The following CCDC34 variants were observed in gnomAD, a reference collection of about 807,000 sequenced individuals.
CCDC34 encodes coiled-coil domain containing 34.
A neutral mutation model predicts 44.1 loss-of-function variants in CCDC34; 40 were observed. That is an observed-to-expected ratio of 0.91 (90% CI 0.70 to 1.18). The LOEUF (loss-of-function observed/expected upper bound fraction) is 1.18. Ranked by LOEUF, CCDC34 falls within the 50% of genes most tolerant of loss-of-function variation. The pLI, the probability that CCDC34 is intolerant of heterozygous loss-of-function variation, is 0.00. For missense variants in CCDC34, 466 were observed against 452.3 expected (o/e 1.03, Z -0.28); for synonymous variants, 159 against 158.2 (o/e 1.01, Z -0.04).
chr11:27,349,726 A>G, intron 3 of CCDC34: 7 of 976,712 alleles, frequency 7.2e-6, no homozygotes, highest in Non-Finnish European at 8.5e-6. Context: ...CACTCAATTA[A>G]ACTATTTTTG....
chr11:27,345,418 A>C (rs1447330912), intron 3 of CCDC34, among the ~76,000 whole-genome samples: 1 of 152,094 alleles, frequency 6.6e-6, no homozygotes, highest in African/African-American at 2.4e-5. Context: ...TATATATCCT[A>C]ATGCTATCCC....
At chr11:27,359,617 T>C (rs1457653977) in intron 1 of CCDC34, among the ~76,000 whole-genome samples, 1 of 151,910 alleles carries the variant, frequency 6.6e-6, no homozygotes, top group African/African-American at 2.4e-5. Flanking sequence ...GCCTCCCGAG[T>C]AGCTGAGATT....
intron 3 of CCDC34, chr11:27,349,835 G>A (rs1354469331): frequency 1.6e-5 from 16 of 972,658 alleles, no homozygotes; most frequent in Non-Finnish European, 1.8e-5. Context: ...AGTATAAGAA[G>A]TAAACAACAA....
chr11:27,360,919 G>T (rs1039090961), intron 1 of CCDC34, among the ~76,000 whole-genome samples: 2 of 152,094 alleles, frequency 1.3e-5, no homozygotes, highest in Non-Finnish European at 2.9e-5. Context: ...TTGTATCAAA[G>T]AATGTTAGGA....
At chr11:27,348,136 C>T (rs1408007210) in intron 3 of CCDC34, among the ~76,000 whole-genome samples, 2 of 152,022 alleles carry the variant, frequency 1.3e-5, no homozygotes, top group East Asian at 3.9e-4. Context: ...ACCTTTGTTT[C>T]ATACAACTAA....
chr11:27,348,205 C>T (rs1862459000), intron 3 of CCDC34, among the ~76,000 whole-genome samples: 1 of 151,960 alleles, frequency 6.6e-6, no homozygotes, highest in African/African-American at 2.4e-5. Context: ...TTGCTTTCTC[C>T]AATAGTGCCT....
intron 2 of CCDC34, among the ~76,000 whole-genome samples, chr11:27,356,024 T>TTTTTTA (rs1862570685): frequency 7.0e-6 from 1 of 143,250 alleles, no homozygotes; most frequent in East Asian, 2.1e-4. Flanking sequence ...TTTTTTTTTT[T>TTTTTTA]TTTTTTTTTT....
In CCDC34 at chr11:27,361,936, C is replaced by G. The variant is rs538451028; in HGVS notation, c.359+900G>C. Among the ~76,000 whole-genome samples, 18 of 152,272 alleles carry G rather than the reference C, an allele frequency of 1.2e-4. No individual in the cohort carries two copies. In the South Asian group the frequency reaches 3.5e-3, roughly 30 times the overall value. ...TACTGGGCCTGTCTCAGAAATATTC[C>G]TTCAGGGATTGGCCCTTTGCTCCTA... is the stretch of plus-strand genomic sequence containing the variant. On this transcript the variant is annotated intron_variant, in intron 1 of 5. Transcript: ENST00000328697.
chr11:27,350,108 G>C (rs1219633153), intron 3 of CCDC34: 3 of 1,386,834 alleles, frequency 2.2e-6, no homozygotes, highest in African/African-American at 2.9e-5. Flanking sequence ...ACTGCCTGCA[G>C]GCAAATATTA....
chr11:27,340,703 T>G lies in CCDC34; in HGVS notation c.900A>C (p.Lys300Asn), dbSNP rs1407239584. The change falls in exon 5 of 6, where the codon AAA becomes AAC. Residue 300 changes from lysine (K) to asparagine (N), a missense_variant. Physicochemically the swap from Lys to Asn is moderately conservative, Grantham distance 94. Transcript: ENST00000328697. ...CACAACATAAAAACCAACCTGTAAG[T>G]TTTCCATTGGCATAACCATAGCTCT... ...AAKSYGYANG[K>N]LTGFYSGNSY... The G allele has an allele frequency of 1.0e-5, 16 of 1,606,664 alleles. No individual in the cohort carries two copies. Among genetic ancestry groups the G allele is most frequent in the Non-Finnish European group, 1.4e-5 (16 of 1,177,142 alleles).
chr11:27,355,720 T>A (rs903909602), intron 2 of CCDC34, among the ~76,000 whole-genome samples: 3 of 152,190 alleles, frequency 2.0e-5, no homozygotes, highest in Non-Finnish European at 4.4e-5. Flanking sequence ...TTTATTATTC[T>A]TGCCTAACAT....
At chr11:27,345,729 AGTGCCGCAATAAACATACACATGCAT>A (rs1862423483) in intron 3 of CCDC34, among the ~76,000 whole-genome samples, 1 of 152,200 alleles carries the variant, frequency 6.6e-6, no homozygotes, top group African/African-American at 2.4e-5. Context: ...TATTGTGAAT[AGTGCCGCAATAAACATACACATGCAT>A]GTGTCTTTAT....
rs1012796502 is a variant in CCDC34, at chr11:27,349,276, T to A, written c.606+1056A>T. The A allele has an allele frequency of 3.0e-5, 28 of 925,212 alleles. No homozygotes were observed. In the African/African-American group the frequency reaches 4.8e-4, roughly 16 times the overall value. The allele number at this position is 925,212 out of a possible 1,614,324, so 57.3% of individuals were successfully genotyped here. ...ATTTTTGAATTTATTCACAAAGATC[T>A]CTTTCATGTTATATCATGGGATGAA... On this transcript the variant is annotated intron_variant, in intron 3 of 5. Coordinates refer to ENST00000328697, the MANE Select transcript of CCDC34 (RefSeq NM_030771.2).
At position 27,340,789 on chromosome 11, in the gene CCDC34, C is replaced by T. The variant is rs1293939370; in HGVS notation, c.814G>A (p.Ala272Thr). The T allele has an allele frequency of 6.2e-7, 1 of 1,613,298 alleles. No individual in the cohort carries two copies. The highest frequency in any genetic ancestry group is 8.5e-7 in the Non-Finnish European group (1 of 1,179,660). ...QAEIQEKKEI[A>T]EKKFQEWLEN... Reference sequence around the variant, plus strand: ...AACCATTCTTGAAACTTTTTTTCTGCTATTTCCTTTTTCTCCTGTATTTCA... The same window carrying T: ...AACCATTCTTGAAACTTTTTTTCTGTTATTTCCTTTTTCTCCTGTATTTCA... The change falls in exon 5 of 6, where the codon GCA becomes ACA. Residue 272 changes from alanine (A) to threonine (T), a missense_variant. Ala to Thr is a moderately conservative substitution (Grantham distance 58). Transcript: ENST00000328697.
At chr11:27,344,014 T>G (rs1862399629) in intron 3 of CCDC34, among the ~76,000 whole-genome samples, 1 of 152,186 alleles carries the variant, frequency 6.6e-6, no homozygotes, top group African/African-American at 2.4e-5. Flanking sequence ...AAGTAGTGTC[T>G]GAATAATCCT....
At chr11:27,358,962 C>G (rs1043234375) in intron 1 of CCDC34, among the ~76,000 whole-genome samples, 7 of 108,674 alleles carry the variant, frequency 6.4e-5, no homozygotes, top group Non-Finnish European at 1.2e-4. Flanking sequence ...ATGTGGACCC[C>G]CCCCCCCCAC....
chr11:27,342,224 C>A (rs999767363), intron 3 of CCDC34, among the ~76,000 whole-genome samples: 2 of 150,994 alleles, frequency 1.3e-5, no homozygotes, highest in Admixed American at 1.3e-4. Context: ...GTAAAAATTA[C>A]AATCTGTTAG....
chr11:27,360,287 CTTCTCATTATCT>C (rs1862643492), intron 1 of CCDC34, among the ~76,000 whole-genome samples: 1 of 152,190 alleles, frequency 6.6e-6, no homozygotes. Context: ...CAGGAAAACG[CTTCTCATTATCT>C]TGTCTGAAGC....
intron 2 of CCDC34, among the ~76,000 whole-genome samples, chr11:27,357,143 C>T (rs1862589995): frequency 6.6e-6 from 1 of 152,044 alleles, no homozygotes; most frequent in African/African-American, 2.4e-5. Flanking sequence ...TGTCATAATA[C>T]TAACAATGAT....
Sources: gnomAD v4.1 joint callset for allele counts (sites outside exome capture counted in the v4.1 genomes callset) on GRCh38, gnomAD v4.1.1 for gene constraint, MANE v1.5 for transcripts, NCBI Gene and HGNC (gene_info 2026-07-23, HGNC 2026-07-21) for gene names.